CNTN1: variants seen among roughly 807,000 people sequenced by gnomAD.
CNTN1 encodes the protein contactin 1.
Under a neutral mutation model 126.4 loss-of-function variants are expected in CNTN1, and 38 were observed. The observed-to-expected ratio is 0.30, with a 90% confidence interval of 0.23 to 0.39. CNTN1 has a LOEUF of 0.39. CNTN1 is among the 10% of genes least tolerant of loss of function. The pLI is 1.00. For missense variants in CNTN1, 1,009 were observed against 1,248.4 expected, an observed-to-expected ratio of 0.81 and a Z score of 2.89; for synonymous variants, 413 against 422.6, an observed-to-expected ratio of 0.98 and a Z score of 0.28.
intron 23 of CNTN1, among the ~76,000 whole-genome samples, chr12:41,029,748 T>C (rs990760994): frequency 6.6e-6 from 1 of 152,124 alleles, no homozygotes; most frequent in African/African-American, 2.4e-5. Flanking sequence ...CTCTTTCACT[T>C]GGACTATAGA....
At chr12:40,898,701 T>A (rs1032607295) in intron 1 of CNTN1, among the ~76,000 whole-genome samples, 3 of 152,228 alleles carry the variant, frequency 2.0e-5, no homozygotes, top group Non-Finnish European at 4.4e-5. Flanking sequence ...AGGAGGACTG[T>A]ACCTTCCATG....
chr12:40,947,780 TATACACACACACACAC>T (rs1435453767), intron 14 of CNTN1, among the ~76,000 whole-genome samples: 1 of 67,584 alleles, frequency 1.5e-5, no homozygotes, highest in African/African-American at 6.7e-5. Flanking sequence ...TATATATATA[TATACACACACACACAC>T]ACACACACAC....
At chr12:40,754,376 C>T (rs1938520619) in intron 1 of CNTN1, among the ~76,000 whole-genome samples, 1 of 152,082 alleles carries the variant, frequency 6.6e-6, no homozygotes. Context: ...AACCAATGCA[C>T]ATTCTCCTGC....
intron 1 of CNTN1, among the ~76,000 whole-genome samples, chr12:40,697,711 G>A (rs185794689): frequency 3.9e-5 from 6 of 152,236 alleles, no homozygotes; most frequent in Non-Finnish European, 7.4e-5. Context: ...TATATCATAT[G>A]TATATCCCAG....
chr12:40,911,412 A>T (rs1945031662), intron 3 of CNTN1, among the ~76,000 whole-genome samples: 1 of 152,192 alleles, frequency 6.6e-6, no homozygotes, highest in Admixed American at 6.5e-5. Flanking sequence ...CCGCAGCAAA[A>T]GAAAAATGGG....
At chr12:40,773,951 A>G (rs902840149) in intron 1 of CNTN1, among the ~76,000 whole-genome samples, 2 of 151,392 alleles carry the variant, frequency 1.3e-5, no homozygotes, top group African/African-American at 4.8e-5. Context: ...TTTTGTCAGC[A>G]CACTTACCAT....
intron 23 of CNTN1, among the ~76,000 whole-genome samples, chr12:41,044,060 T>G (rs1949486671): frequency 6.8e-6 from 1 of 147,036 alleles, no homozygotes. Flanking sequence ...AATGACGAGT[T>G]AATGGGTGCA....
chr12:40,933,945 G>C, intron 9 of CNTN1, 67 bp downstream of exon 9: 1 of 1,173,624 alleles, frequency 8.5e-7, no homozygotes, highest in Non-Finnish European at 1.3e-6. Flanking sequence ...TTCCATACAT[G>C]AAAAACTACT....
chr12:40,764,035 A>T (rs1413538535), intron 1 of CNTN1, among the ~76,000 whole-genome samples: 1 of 152,212 alleles, frequency 6.6e-6, no homozygotes, highest in African/African-American at 2.4e-5. Context: ...CTCTGTTTAG[A>T]GATGGTTTAT....
At chr12:41,025,029 GA>G (rs1949009395) in intron 20 of CNTN1, 120 bp from the exon 21 acceptor site, 6 of 985,680 alleles carry the variant, frequency 6.1e-6, no homozygotes, top group Admixed American at 3.4e-5. Flanking sequence ...ATATCATTAA[GA>G]AACATTTGAA....
chr12:40,964,301 T>G (rs1284612473), intron 15 of CNTN1, among the ~76,000 whole-genome samples: 1 of 152,188 alleles, frequency 6.6e-6, no homozygotes, highest in Non-Finnish European at 1.5e-5. Context: ...ACGACTTTGC[T>G]ATCTAAACTT....
intron 1 of CNTN1, among the ~76,000 whole-genome samples, chr12:40,795,447 T>C (rs1381608954): frequency 6.6e-6 from 1 of 151,734 alleles, no homozygotes; most frequent in Non-Finnish European, 1.5e-5. Flanking sequence ...AACCTATACA[T>C]ATAGATTATA....
chr12:41,019,292 C>A (rs1204525121), intron 19 of CNTN1, among the ~76,000 whole-genome samples: 2 of 152,172 alleles, frequency 1.3e-5, no homozygotes, highest in Non-Finnish European at 2.9e-5. Context: ...TACTGCTTTA[C>A]TTGATGCTAA....
intron 1 of CNTN1, among the ~76,000 whole-genome samples, chr12:40,740,969 G>A (rs1207975509): frequency 6.6e-6 from 1 of 151,922 alleles, no homozygotes. Flanking sequence ...TCAGTCTTGG[G>A]TATTTCTTCT....
intron 1 of CNTN1, among the ~76,000 whole-genome samples, chr12:40,877,812 C>T (rs928047091): frequency 6.6e-6 from 1 of 152,028 alleles, no homozygotes; most frequent in East Asian, 1.9e-4. Context: ...CAATCACAAT[C>T]AGGATTAAAG....
intron 6 of CNTN1, among the ~76,000 whole-genome samples, chr12:40,924,946 G>C (rs1945591590): frequency 7.0e-6 from 1 of 141,974 alleles, no homozygotes; most frequent in South Asian, 2.2e-4. Flanking sequence ...AATTCTGTTA[G>C]ATTTTCTAGA....
intron 1 of CNTN1, among the ~76,000 whole-genome samples, chr12:40,849,463 A>G (rs1369707568): frequency 6.6e-6 from 1 of 152,102 alleles, no homozygotes; most frequent in Non-Finnish European, 1.5e-5. Flanking sequence ...CTCTCAACCA[A>G]TTCCTGCAAA....
intron 1 of CNTN1, among the ~76,000 whole-genome samples, chr12:40,836,221 G>A (rs1320620308): frequency 1.4e-5 from 2 of 146,800 alleles, no homozygotes; most frequent in African/African-American, 5.0e-5. Flanking sequence ...TGTATATATT[G>A]TATATATGAA....
At position 40,939,336 on chromosome 12, in the gene CNTN1, G is replaced by C. The variant is rs144896071; in HGVS notation, c.1230G>C (p.Ala410=). 4 of 1,613,604 alleles carry C rather than the reference G, an allele frequency of 2.5e-6. No homozygotes were observed. In the East Asian group the frequency reaches 8.9e-5, roughly 36 times the overall value. The change falls in exon 12 of 24, where the codon GCG becomes GCC. Residue 410 remains alanine, a splice_region_variant and synonymous_variant. Transcript: ENST00000551295. ...IYANAELKIL[A]LAPTFEMNPM... Reference sequence around the variant, plus strand: ...GATAACAATTTGTTTTCTTTTTAGCGTTGGCTCCAACTTTTGAAATGAATC... The same window carrying C: ...GATAACAATTTGTTTTCTTTTTAGCCTTGGCTCCAACTTTTGAAATGAATC...
Sources: gnomAD v4.1 joint callset for allele counts (sites outside exome capture counted in the v4.1 genomes callset) on GRCh38, gnomAD v4.1.1 for gene constraint, MANE v1.5 for transcripts, NCBI Gene and HGNC (gene_info 2026-07-23, HGNC 2026-07-21) for gene names.